The following APLF variants were observed in gnomAD, a reference collection of about 807,000 sequenced individuals.
APLF encodes the protein aprataxin and PNK-like factor.
APLF carries 61 observed loss-of-function variants against 55.6 expected under a neutral mutation model. The observed-to-expected ratio is 1.10, with a 90% CI of 0.89 to 1.36. APLF has a LOEUF of 1.36. Ranked by LOEUF, APLF falls within the 40% of genes most tolerant of loss-of-function variation. APLF has a pLI of 0.00. For missense variants in APLF, 611 were observed against 602.5 expected, an observed-to-expected ratio of 1.01 and a Z score of -0.15; for synonymous variants, 207 against 214.8, an observed-to-expected ratio of 0.96 and a Z score of 0.32.
At chr2:68,523,479 G>T (rs1469853676) in intron 5 of APLF, among the ~76,000 whole-genome samples, 1 of 151,834 alleles carries the variant, frequency 6.6e-6, no homozygotes, top group African/African-American at 2.4e-5. Flanking sequence ...TTTTAGTCCT[G>T]TATATGTTTA....
chr2:68,525,990 T>C (rs1670034208), intron 5 of APLF, 71 bp from the exon 6 acceptor site: 2 of 1,425,904 alleles, frequency 1.4e-6, no homozygotes, highest in South Asian at 2.9e-5. Flanking sequence ...TCTTTTTTCT[T>C]TTTTTGATAT....
chr2:68,536,845 A>C (rs1056643425), intron 6 of APLF, among the ~76,000 whole-genome samples: 1 of 152,142 alleles, frequency 6.6e-6, no homozygotes, highest in African/African-American at 2.4e-5. Context: ...TTTAGAGGGC[A>C]GAAATAAAGT....
chr2:68,538,205 A>G lies in APLF; in HGVS notation c.1138A>G (p.Met380Val), dbSNP rs1670449230. 1.2e-6 allele frequency: 2 copies of G among 1,607,784 alleles called. No individual in the cohort carries two copies. Among genetic ancestry groups the G allele is most frequent in the South Asian group, 1.1e-5 (1 of 89,694 alleles). The change falls in exon 7 of 10, where the codon ATG (methionine) becomes GTG (valine). Residue 380 changes from methionine (M) to valine (V), a missense_variant. Met to Val is a conservative substitution (Grantham distance 21). Coordinates refer to ENST00000303795, the MANE Select transcript of APLF (RefSeq NM_173545.3). Reference protein sequence around the residue: ...EGNKVKRTSCMYGANCYRKNP... With the variant: ...EGNKVKRTSCVYGANCYRKNP... ...AAACAAGGTCAAGAGGACATCCTGCATGTATGGGGCAAACTGCTATAGGTA... is the reference window on the plus strand; with the variant it reads ...AAACAAGGTCAAGAGGACATCCTGCGTGTATGGGGCAAACTGCTATAGGTA...
chr2:68,483,261 C>T (rs1001383143), intron 1 of APLF, among the ~76,000 whole-genome samples: 1 of 152,132 alleles, frequency 6.6e-6, no homozygotes, highest in South Asian at 2.1e-4. Flanking sequence ...CCAAACAGCT[C>T]AAGGCTTGTA....
intron 8 of APLF, among the ~76,000 whole-genome samples, chr2:68,557,786 CT>C (rs1249729832): frequency 6.6e-6 from 1 of 151,998 alleles, no homozygotes; most frequent in Non-Finnish European, 1.5e-5. Flanking sequence ...TGATGCAAAC[CT>C]GTAGTCCCAG....
At chr2:68,543,863 T>A (rs1466851328) in intron 7 of APLF, among the ~76,000 whole-genome samples, 1 of 152,164 alleles carries the variant, frequency 6.6e-6, no homozygotes, top group Non-Finnish European at 1.5e-5. Flanking sequence ...TTCATTTAAG[T>A]TCAAAGGCAG....
At chr2:68,545,709 A>G (rs914356256) in intron 8 of APLF, among the ~76,000 whole-genome samples, 2 of 152,168 alleles carry the variant, frequency 1.3e-5, no homozygotes, top group Non-Finnish European at 2.9e-5. Context: ...GCCAACACAG[A>G]AAGTCCAATC....
chr2:68,549,557 TTGGCCCAGCATA>T (rs909995205), intron 8 of APLF, among the ~76,000 whole-genome samples: 8 of 152,144 alleles, frequency 5.3e-5, no homozygotes, highest in African/African-American at 1.9e-4. Flanking sequence ...GAGATTTGTT[TTGGCCCAGCATA>T]TGGGTGACTT....
At position 68,473,298 on chromosome 2, in the gene APLF, C is replaced by T. The variant is rs76537652; in HGVS notation, c.96+5471C>T. On this transcript the variant is annotated intron_variant, in intron 1 of 9. Transcript: ENST00000303795. ...CAGTACATAACCTTTTCAGGTTTCA[C>T]TTAGTAATATGTATTTAAGGTTCCT... Among the ~76,000 whole-genome samples the T allele has an allele frequency of 6.4e-3, 980 of 152,278 alleles. 7 individuals are homozygous for T. Among genetic ancestry groups the T allele is most frequent in the African/African-American group, 0.022 (933 of 41,552 alleles).
chr2:68,476,655 A>G (rs1573146099), intron 1 of APLF, among the ~76,000 whole-genome samples: 1 of 151,948 alleles, frequency 6.6e-6, no homozygotes, highest in African/African-American at 2.4e-5. Flanking sequence ...ATATTGTGCA[A>G]TAGTTACCAC....
chr2:68,478,536 A>G (rs1248878907), intron 1 of APLF, among the ~76,000 whole-genome samples: 1 of 152,250 alleles, frequency 6.6e-6, no homozygotes, highest in African/African-American at 2.4e-5. Context: ...TTTAATGCCA[A>G]CAAAGAATGG....
At chr2:68,475,249 A>G (rs1167471358) in intron 1 of APLF, among the ~76,000 whole-genome samples, 1 of 152,178 alleles carries the variant, frequency 6.6e-6, no homozygotes, top group Non-Finnish European at 1.5e-5. Flanking sequence ...ATGTTCTCAC[A>G]CTTGTGCAGC....
chr2:68,495,896 C>T (rs1676530854), intron 2 of APLF, among the ~76,000 whole-genome samples: 1 of 152,174 alleles, frequency 6.6e-6, no homozygotes, highest in African/African-American at 2.4e-5. Flanking sequence ...GTCCTTTGAG[C>T]CATGGCTGGA....
At chr2:68,511,672 T>C (rs557311738) in intron 3 of APLF, among the ~76,000 whole-genome samples, 40 of 151,782 alleles carry the variant, frequency 2.6e-4, no homozygotes, top group African/African-American at 8.9e-4. Flanking sequence ...TTGAAAAAAA[T>C]TATAATTTGG....
At chr2:68,480,336 A>C in intron 1 of APLF, among the ~76,000 whole-genome samples, 1 of 143,130 alleles carries the variant, frequency 7.0e-6, no homozygotes, top group African/African-American at 2.6e-5. Context: ...ACGGAGTTTC[A>C]CTCTGCCACC....
chr2:68,522,303 T>G (rs1049614482), intron 5 of APLF, among the ~76,000 whole-genome samples: 44 of 151,918 alleles, frequency 2.9e-4, no homozygotes, highest in African/African-American at 8.7e-4. Context: ...GAAATAGTTT[T>G]GCATTTTCAT....
chr2:68,519,234 AT>A (rs1244262810), intron 5 of APLF, among the ~76,000 whole-genome samples: 1 of 139,898 alleles, frequency 7.1e-6, no homozygotes, highest in African/African-American at 2.6e-5. Context: ...TACATAATAT[AT>A]TATATATTAT....
chr2:68,490,162 T>C, intron 1 of APLF, 28 bp from the exon 2 acceptor site: 4 of 1,544,132 alleles, frequency 2.6e-6, no homozygotes, highest in Non-Finnish European at 3.5e-6. Context: ...GTGGCTATTC[T>C]TAATCTTTTA....
intron 2 of APLF, among the ~76,000 whole-genome samples, chr2:68,494,330 T>C (rs912554127): frequency 4.1e-5 from 6 of 146,910 alleles, no homozygotes; most frequent in African/African-American, 1.5e-4. Flanking sequence ...AATTGGCTCA[T>C]GGGCAAGCTT....
Sources: gnomAD v4.1 joint callset for allele counts (sites outside exome capture counted in the v4.1 genomes callset) on GRCh38, gnomAD v4.1.1 for gene constraint, MANE v1.5 for transcripts, NCBI Gene and HGNC (gene_info 2026-07-23, HGNC 2026-07-21) for gene names.